Variants in IGSF6 observed in about 807,000 individuals in gnomAD.
IGSF6 encodes down-regulated by activation (immunoglobulin superfamily).
A neutral mutation model predicts 24.7 loss-of-function variants in IGSF6; 23 were observed. The ratio of observed to expected loss-of-function variants is 0.93; its 90% CI spans 0.67 to 1.32. IGSF6 has a LOEUF of 1.32. Ranked by LOEUF, IGSF6 falls within the 40% of genes most tolerant of loss-of-function variation. The pLI is 0.00. For synonymous variants in IGSF6, 110 were observed against 113.7 expected, an observed-to-expected ratio of 0.97 and a Z score of 0.21; for missense variants, 295 against 293.6, an observed-to-expected ratio of 1.00 and a Z score of -0.04.
intron 1 of IGSF6, among the ~76,000 whole-genome samples, chr16:21,648,648 C>G (rs950149028): frequency 1.3e-5 from 2 of 152,180 alleles, no homozygotes; most frequent in Admixed American, 1.3e-4. Context: ...GAAAGCCACT[C>G]GAGTGCACAA....
rs778571289 is a variant in IGSF6, at chr16:21,647,312, C to T, written c.248G>A (p.Cys83Tyr). 6 of 1,614,162 alleles carry T rather than the reference C, an allele frequency of 3.7e-6. No homozygotes were observed. In the South Asian group the frequency reaches 4.4e-5, roughly 12 times the overall value. Residue 83 changes from cysteine (C) to tyrosine (Y), a missense_variant, in exon 2 of 6, where the codon TGC (cysteine) becomes TAC (tyrosine). Coordinates refer to ENST00000268389, the MANE Select transcript of IGSF6 (RefSeq NM_005849.4). Reference sequence around the variant, plus strand: ...TGTGAACTTGTCTGCCTCACTTTTGCACCCGTCCAAGCACAGGTTCTCAGG... The same window carrying T: ...TGTGAACTTGTCTGCCTCACTTTTGTACCCGTCCAAGCACAGGTTCTCAGG... ...HQPENLCLDG[C>Y]KSEADKFTVR...
At position 21,641,399 on chromosome 16, in the gene IGSF6, A is replaced by C. The variant is rs1055740; in HGVS notation, c.*135T>G. On this transcript the variant is annotated 3_prime_UTR_variant, in exon 6 of 6. Coordinates refer to ENST00000268389, the MANE Select transcript of IGSF6 (RefSeq NM_005849.4). ...TTAGTTATAGTTTCCTTACATTCTGACATCCTTCTTTGTAGCCAGTTGTCT... is the reference window on the plus strand; with the variant it reads ...TTAGTTATAGTTTCCTTACATTCTGCCATCCTTCTTTGTAGCCAGTTGTCT... 2 of 468,556 alleles carry C rather than the reference A, an allele frequency of 4.3e-6. No homozygotes were observed. The highest frequency in any genetic ancestry group is 7.7e-6 in the Non-Finnish European group (2 of 260,946). The allele number at this position is 468,556 out of a possible 1,614,324, so 29.0% of individuals were successfully genotyped here. A position where few individuals can be genotyped will look rare whatever the true frequency, so the allele number is the denominator to read the frequency against.
At chr16:21,648,910 A>G (rs1165414678) in intron 1 of IGSF6, among the ~76,000 whole-genome samples, 1 of 152,200 alleles carries the variant, frequency 6.6e-6, no homozygotes, top group East Asian at 1.9e-4. Context: ...ATGGATCCCC[A>G]TTCATAACAG....
At position 21,647,417 on chromosome 16, in the gene IGSF6, G is replaced by C. The variant is rs200635568; in HGVS notation, c.143C>G (p.Thr48Ser). The C allele has an allele frequency of 8.7e-6, 14 of 1,613,958 alleles. No homozygotes were observed. The African/African-American group carries it at 1.9e-4, about 22-fold the overall frequency. Reference protein sequence around the residue: ...LEVDYTHEAVTIKCTFSATGC... With the variant: ...LEVDYTHEAVSIKCTFSATGC... ...GGTTGCGGAGAAGGTACACTTTATG[G>C]TGACGGCCTCATGAGTGTAGTCCAC... The change falls in exon 2 of 6, where the codon ACC becomes AGC. Residue 48 changes from threonine (T) to serine (S), a missense_variant. Thr to Ser is a moderately conservative substitution (Grantham distance 58). Coordinates refer to ENST00000268389, the MANE Select transcript of IGSF6 (RefSeq NM_005849.4).
intron 1 of IGSF6, among the ~76,000 whole-genome samples, chr16:21,651,067 C>CA (rs1231260346): frequency 2.0e-5 from 3 of 152,096 alleles, no homozygotes; most frequent in African/African-American, 2.4e-5. Context: ...ACTAAAAATA[C>CA]AAAAAATTAG....
intron 1 of IGSF6, 134 bp downstream of exon 1, chr16:21,652,398 T>G (rs1216180524): frequency 5.2e-6 from 3 of 580,636 alleles, no homozygotes; most frequent in African/African-American, 1.9e-5. Flanking sequence ...AAAAGGAAAC[T>G]TATCCTCTTA....
intron 1 of IGSF6, among the ~76,000 whole-genome samples, chr16:21,649,635 A>G (rs956450302): frequency 1.3e-5 from 2 of 152,228 alleles, no homozygotes; most frequent in Non-Finnish European, 2.9e-5. Flanking sequence ...CTCAGTCTCA[A>G]GTCATCTTTC....
At position 21,639,905 on chromosome 16, in the gene IGSF6, A is replaced by C. The variant is rs946352912; in HGVS notation, c.*1629T>G. 6.6e-6 allele frequency: 1 copy of C among 151,564 alleles called. No homozygotes were observed. The highest frequency in any genetic ancestry group is 2.4e-5 in the African/African-American group (1 of 41,424). 9.4% of individuals were successfully genotyped at this position (151,564 alleles called of 1,614,324 possible). On this transcript the variant is annotated 3_prime_UTR_variant, in exon 6 of 6. Transcript: ENST00000268389. Reference sequence around the variant, plus strand: ...TAAAGAATACACCTTAGGCAATACCAGTTTAAAAGAAACACTTTATTTTAT... The same window carrying C: ...TAAAGAATACACCTTAGGCAATACCCGTTTAAAAGAAACACTTTATTTTAT...
rs747997806 is a variant in IGSF6 at position 21,652,555 on chromosome 16, G to T, written c.44C>A (p.Thr15Asn). The change falls in exon 1 of 6, where the codon ACC becomes AAC. Residue 15 changes from threonine (T) to asparagine (N), a missense_variant. Coordinates refer to ENST00000268389, the MANE Select transcript of IGSF6 (RefSeq NM_005849.4). ...ACCGACACAAAATAGAATGAGATTG[G>T]TTTGCAGATGGCGAGCGATGTTGCT... ...SRSNIARHLQ[T>N]NLILFCVGAV... is the part of the protein sequence containing the mutation. 3.4e-5 allele frequency: 54 copies of T among 1,611,860 alleles called. No individual in the cohort carries two copies. Among genetic ancestry groups the T allele is most frequent in the Non-Finnish European group, 4.4e-5 (52 of 1,178,942 alleles).
rs368761095 is a variant in IGSF6, at chr16:21,640,596, C to CAAAAAAAAAAAAAAAAAAAAA, written c.*917_*937dup. ...TGAAACCCCGTCTCTACTAAAAATA[C>CAAAAAAAAAAAAAAAAAAAAA]AAAAAAAAAAAAAAAAAAAAATTAG... On this transcript the variant is annotated 3_prime_UTR_variant, in exon 6 of 6. Coordinates refer to ENST00000268389, the MANE Select transcript of IGSF6 (RefSeq NM_005849.4). The CAAAAAAAAAAAAAAAAAAAAA allele has an allele frequency of 1.5e-5, 1 of 65,586 alleles. No individual in the cohort carries two copies. Among genetic ancestry groups the CAAAAAAAAAAAAAAAAAAAAA allele is most frequent in the Non-Finnish European group, 3.3e-5 (1 of 30,448 alleles). 4.1% of individuals were successfully genotyped at this position (65,586 alleles called of 1,614,324 possible).
At chr16:21,643,716 A>G (rs1268330434) in intron 3 of IGSF6, 118 bp from the exon 4 acceptor site, 1 of 644,548 alleles carries the variant, frequency 1.6e-6, no homozygotes, top group African/African-American at 1.9e-5. Flanking sequence ...ATACAATGAG[A>G]CTTAATTTTT....
intron 2 of IGSF6, among the ~76,000 whole-genome samples, chr16:21,645,111 T>C (rs1966389886): frequency 6.6e-6 from 1 of 152,210 alleles, no homozygotes; most frequent in African/African-American, 2.4e-5. Context: ...CAAAATACAA[T>C]TAGATTTGTA....
intron 1 of IGSF6, 111 bp downstream of exon 1, chr16:21,652,418 CATA>C: frequency 1.4e-6 from 1 of 736,070 alleles, no homozygotes. Context: ...AGGCAGTTTT[CATA>C]ATGTTATACA....
At chr16:21,642,910 T>C (rs1001300606) in intron 5 of IGSF6, among the ~76,000 whole-genome samples, 164 bp downstream of exon 5, 3 of 152,226 alleles carry the variant, frequency 2.0e-5, no homozygotes, top group Admixed American at 6.5e-5. Context: ...TCTTTTGTTA[T>C]GTATTTATTA....
At chr16:21,646,090 G>A (rs1258023331) in intron 2 of IGSF6, among the ~76,000 whole-genome samples, 2 of 152,094 alleles carry the variant, frequency 1.3e-5, no homozygotes, top group East Asian at 3.8e-4. Flanking sequence ...ACCCCAACAA[G>A]GCGAGGAGTT....
At chr16:21,647,094 G>C (rs770877981) in intron 2 of IGSF6, 39 bp downstream of exon 2, 1 of 1,613,568 alleles carries the variant, frequency 6.2e-7, no homozygotes, top group South Asian at 1.1e-5. Flanking sequence ...GCCTGAACAA[G>C]ATGCAATGAT....
At position 21,644,349 on chromosome 16, in the gene IGSF6, C is replaced by T. The variant is rs188280590; in HGVS notation, c.475G>A (p.Val159Ile). ...GTCACATAGACAGAGAGCAGTGATA[C>T]AAGAGCTGTCAGGAAGCTCCGCAGT... Reference protein sequence around the residue: ...KELRSFLTALVSLLSVYVTGV... With the variant: ...KELRSFLTALISLLSVYVTGV... The change falls in exon 3 of 6, where the codon GTA becomes ATA. Residue 159 changes from valine to isoleucine, a missense_variant. Physicochemically the swap from Val to Ile is conservative, Grantham distance 29. Transcript: ENST00000268389. 5.0e-6 allele frequency: 8 copies of T among 1,613,978 alleles called. No homozygotes were observed. Among genetic ancestry groups the T allele is most frequent in the Non-Finnish European group, 6.8e-6 (8 of 1,179,970 alleles).
At chr16:21,644,466 A>G (rs1361107257) in intron 2 of IGSF6, 70 bp from the exon 3 acceptor site, 4 of 1,093,868 alleles carry the variant, frequency 3.7e-6, no homozygotes, top group Non-Finnish European at 5.5e-6. Context: ...TGTGTAAAGT[A>G]TCCTTCACAC....
Position 21,643,533 on chromosome 16 carries a change from A to C in IGSF6, c.585+15T>G, listed in dbSNP as rs1435283884. On this transcript the variant is annotated intron_variant, in intron 4 of 5. Transcript: ENST00000268389. ...GCCACAATTTAAAAAATATTTTTCA[A>C]GTGTTGGTCTGTACCTTTTGTGAGT... 2 of 1,521,842 alleles carry C rather than the reference A, an allele frequency of 1.3e-6. No homozygotes were observed. Among genetic ancestry groups the C allele is most frequent in the African/African-American group, 1.4e-5 (1 of 71,870 alleles). The allele number at this position is 1,521,842 out of a possible 1,614,324, so 94.3% of individuals were successfully genotyped here.
Sources: allele counts gnomAD v4.1 joint callset (sites outside exome capture counted in the v4.1 genomes callset), GRCh38; gene constraint gnomAD v4.1.1; transcripts MANE v1.5; gene names NCBI Gene and HGNC (gene_info 2026-07-23, HGNC 2026-07-21).